MTCL1: variants seen among roughly 807,000 people sequenced by gnomAD.
MTCL1 encodes microtubule crosslinking factor 1.
In MTCL1, 79 loss-of-function variants were observed where a neutral mutation model predicts 141.4. The observed-to-expected ratio is 0.56, with a 90% CI of 0.47 to 0.67. The LOEUF is 0.67. MTCL1 is among the 30% of genes least tolerant of loss of function. The pLI is 0.00. For synonymous variants in MTCL1, 914 were observed against 875.8 expected, an observed-to-expected ratio of 1.04 and a Z score of -0.77; for missense variants, 2,177 against 2,113.9, an observed-to-expected ratio of 1.03 and a Z score of -0.59.
At position 8,825,083 on chromosome 18, in the gene MTCL1, CGT is replaced by C; in HGVS notation, c.3576_3577del (p.Leu1193ThrfsTer18). ...TCCTCACCGAGCAGTCGGGGTTGCG[CGT>C]GTTACACAGCCCGCCTGCCGTGCGC... is the stretch of plus-strand genomic sequence containing the variant. On this transcript the variant is annotated frameshift_variant, in exon 15 of 17. Transcript: ENST00000359865. LOFTEE classifies it high-confidence loss of function. The C allele has an allele frequency of 1.2e-6, 2 of 1,610,040 alleles. No homozygotes were observed. The highest frequency in any genetic ancestry group is 1.7e-6 in the Non-Finnish European group (2 of 1,178,258).
chr18:8,746,543 G>A (rs1001839569), intron 4 of MTCL1, among the ~76,000 whole-genome samples: 2 of 152,196 alleles, frequency 1.3e-5, no homozygotes, highest in South Asian at 2.1e-4. Context: ...AGAAACCCTG[G>A]ATATGTTAAA....
intron 11 of MTCL1, among the ~76,000 whole-genome samples, chr18:8,808,575 T>C (rs932680256): frequency 3.3e-5 from 5 of 152,242 alleles, no homozygotes; most frequent in Non-Finnish European, 7.3e-5. Flanking sequence ...TCTTAAACAT[T>C]TGCAACCCAG....
At chr18:8,713,465 G>C (rs149055690), upstream of MTCL1, among the ~76,000 whole-genome samples, 2 of 152,304 alleles carry the variant, frequency 1.3e-5, no homozygotes, top group East Asian at 1.9e-4. Context: ...TTAGTTGGCA[G>C]ATGTCATTAA....
At chr18:8,726,595 A>G (rs915485508) in intron 4 of MTCL1, among the ~76,000 whole-genome samples, 1 of 151,132 alleles carries the variant, frequency 6.6e-6, no homozygotes, top group African/African-American at 2.4e-5. Flanking sequence ...AAAGATATTA[A>G]CCCCATCATG....
At chr18:8,813,510 G>T (rs1278883655) in intron 12 of MTCL1, among the ~76,000 whole-genome samples, 1 of 152,250 alleles carries the variant, frequency 6.6e-6, no homozygotes. Flanking sequence ...TGTGGGAGCG[G>T]GGGGATAACT....
chr18:8,831,661 G>A (rs966476169), exon 17 of MTCL1: 66 of 1,550,518 alleles, frequency 4.3e-5, no homozygotes, highest in East Asian at 3.9e-4. Flanking sequence ...CTCCAGGCCC[G>A]AGAGACCAGC....
At chr18:8,809,715 T>A in intron 11 of MTCL1, 1 of 1,219,796 alleles carries the variant, frequency 8.2e-7, no homozygotes, top group Non-Finnish European at 1.1e-6. Context: ...GCTGTCAGGT[T>A]TCTAGTACGG....
chr18:8,730,787 T>A (rs1338001050), intron 4 of MTCL1, among the ~76,000 whole-genome samples: 2 of 152,216 alleles, frequency 1.3e-5, no homozygotes, highest in Non-Finnish European at 2.9e-5. Flanking sequence ...CTTTGCAGAC[T>A]TCCTGAGAGA....
intron 4 of MTCL1, among the ~76,000 whole-genome samples, chr18:8,743,380 C>CACAGA (rs1201721248): frequency 6.6e-6 from 1 of 152,332 alleles, no homozygotes; most frequent in African/African-American, 2.4e-5. Flanking sequence ...CAGTCCTAAG[C>CACAGA]ACAGAAGGTC....
intron 4 of MTCL1, among the ~76,000 whole-genome samples, chr18:8,751,891 C>G (rs1002270800): frequency 2.6e-5 from 4 of 152,202 alleles, no homozygotes; most frequent in Non-Finnish European, 5.9e-5. Flanking sequence ...TAGCTCAGGG[C>G]AGCGGTGACG....
chr18:8,727,308 A>G (rs928565962), intron 4 of MTCL1, among the ~76,000 whole-genome samples: 1 of 152,184 alleles, frequency 6.6e-6, no homozygotes, highest in Non-Finnish European at 1.5e-5. Flanking sequence ...GGGTAGATGC[A>G]CATTAATGAG....
chr18:8,812,815 C>T (rs1054518387), intron 11 of MTCL1, 164 bp from the exon 11 acceptor site: 14 of 818,896 alleles, frequency 1.7e-5, no homozygotes, highest in Admixed American at 1.2e-4. Flanking sequence ...CTGTGTCAAA[C>T]GCTCTTAATT....
chr18:8,824,235 AT>A (rs754038713), intron 14 of MTCL1, among the ~76,000 whole-genome samples: 3 of 152,226 alleles, frequency 2.0e-5, no homozygotes, highest in Non-Finnish European at 4.4e-5. Context: ...CAGCGAACTC[AT>A]GGCAAATTGA....
At chr18:8,756,433 A>ATATG (rs2096400075) in intron 4 of MTCL1, among the ~76,000 whole-genome samples, 1 of 138,090 alleles carries the variant, frequency 7.2e-6, no homozygotes, top group African/African-American at 3.3e-5. Flanking sequence ...ATGTGTATAT[A>ATATG]TGTATATATG....
intron 10 of MTCL1, among the ~76,000 whole-genome samples, chr18:8,803,012 C>A (rs1184676437): frequency 6.6e-6 from 1 of 152,138 alleles, no homozygotes; most frequent in East Asian, 1.9e-4. Flanking sequence ...CAAAAGGTAA[C>A]CCAGCAAGGG....
intron 4 of MTCL1, among the ~76,000 whole-genome samples, chr18:8,746,470 C>T (rs1338348677): frequency 6.6e-6 from 1 of 152,220 alleles, no homozygotes; most frequent in Non-Finnish European, 1.5e-5. Context: ...CAGGGGCTGT[C>T]ACTCTTATGA....
At chr18:8,713,105 A>C (rs1243408454), upstream of MTCL1, among the ~76,000 whole-genome samples, 1 of 152,222 alleles carries the variant, frequency 6.6e-6, no homozygotes, top group Non-Finnish European at 1.5e-5. Flanking sequence ...ACTCTAGTGC[A>C]CACCTGGTAC....
intron 4 of MTCL1, among the ~76,000 whole-genome samples, chr18:8,733,839 T>C (rs538577302): frequency 6.6e-6 from 1 of 152,284 alleles, no homozygotes; most frequent in Admixed American, 6.5e-5. Context: ...TTTTTACTTT[T>C]CAATCTTGAA....
chr18:8,731,446 C>T (rs1011167288), intron 4 of MTCL1, among the ~76,000 whole-genome samples: 34 of 151,672 alleles, frequency 2.2e-4, no homozygotes, highest in East Asian at 7.9e-4. Flanking sequence ...TGGTGGCAGG[C>T]GTCTGTAATC....
Sources: allele counts gnomAD v4.1 joint callset (sites outside exome capture counted in the v4.1 genomes callset), GRCh38; gene constraint gnomAD v4.1.1; transcripts MANE v1.5; gene names NCBI Gene and HGNC (gene_info 2026-07-23, HGNC 2026-07-21).